The following ASTN1 variants were observed in gnomAD, a reference collection of about 807,000 sequenced individuals.
ASTN1 encodes the protein astrotactin 1.
In ASTN1, 41 loss-of-function variants were observed where a neutral mutation model predicts 140.7. That is an observed-to-expected ratio of 0.29 (90% CI 0.23 to 0.38). The LOEUF (loss-of-function observed/expected upper bound fraction) is 0.38. ASTN1 is among the 10% of genes least tolerant of loss of function. ASTN1 has a pLI of 1.00. For missense variants in ASTN1, 1,479 were observed against 1,678.8 expected (o/e 0.88, Z 2.08); for synonymous variants, 640 against 652.2 (o/e 0.98, Z 0.29).
At chr1:177,074,295 C>G (rs543786438) in intron 1 of ASTN1, among the ~76,000 whole-genome samples, 1 of 152,272 alleles carries the variant, frequency 6.6e-6, no homozygotes, top group East Asian at 1.9e-4. Context: ...GGTTCAGTAT[C>G]ATCTATATCA....
At chr1:177,088,063 A>G (rs1277784937) in intron 1 of ASTN1, among the ~76,000 whole-genome samples, 2 of 152,112 alleles carry the variant, frequency 1.3e-5, no homozygotes, top group African/African-American at 4.8e-5. Flanking sequence ...ATCTTTTTCT[A>G]CCTTCAACTC....
At position 176,958,392 on chromosome 1, in the gene ASTN1, T is replaced by C. The variant is rs754219584; in HGVS notation, c.1689A>G (p.Ala563=). 3 of 1,614,132 alleles carry C rather than the reference T, an allele frequency of 1.9e-6. No homozygotes were observed. The highest frequency in any genetic ancestry group is 4.5e-5 in the East Asian group (2 of 44,868). The change falls in exon 10 of 23, where the codon GCA becomes GCG. Residue 563 remains alanine (A), a synonymous_variant. Transcript: ENST00000361833. Reference sequence around the variant, plus strand: ...TCACAGTCATGTCCGTCTTGCACTTTGCTGATGGATTGATGGCCAGTTCGG... The same window carrying C: ...TCACAGTCATGTCCGTCTTGCACTTCGCTGATGGATTGATGGCCAGTTCGG... ...PPAELAINPS[A]KCKTDMTVME...
At chr1:176,875,864 G>T (rs1668538781) in intron 21 of ASTN1, among the ~76,000 whole-genome samples, 1 of 152,164 alleles carries the variant, frequency 6.6e-6, no homozygotes, top group East Asian at 1.9e-4. Flanking sequence ...TAAAATTCTG[G>T]TTATAAATAG....
At chr1:177,040,985 G>T (rs2101993195) in intron 2 of ASTN1, among the ~76,000 whole-genome samples, 1 of 152,272 alleles carries the variant, frequency 6.6e-6, no homozygotes, top group East Asian at 1.9e-4. Context: ...TCATCCCAAA[G>T]AAAAGCAAAG....
intron 7 of ASTN1, among the ~76,000 whole-genome samples, chr1:177,018,431 G>T (rs1012277701): frequency 6.6e-6 from 1 of 152,210 alleles, no homozygotes; most frequent in Non-Finnish European, 1.5e-5. Flanking sequence ...AAAGAAGAGG[G>T]CAGCTGGTTT....
intron 8 of ASTN1, among the ~76,000 whole-genome samples, chr1:176,966,476 AT>A (rs1445742020): frequency 6.6e-6 from 1 of 152,214 alleles, no homozygotes; most frequent in African/African-American, 2.4e-5. Flanking sequence ...CAAGACATTT[AT>A]TTAAGTTTTG....
intron 1 of ASTN1, among the ~76,000 whole-genome samples, chr1:177,089,587 T>G (rs1238413156): frequency 6.6e-6 from 1 of 152,092 alleles, no homozygotes; most frequent in Non-Finnish European, 1.5e-5. Context: ...ACTCATGCCA[T>G]CCTTTCTCTC....
chr1:177,063,981 C>G (rs895265438), intron 1 of ASTN1, among the ~76,000 whole-genome samples: 2 of 152,184 alleles, frequency 1.3e-5, no homozygotes, highest in Non-Finnish European at 2.9e-5. Flanking sequence ...CACCTCATGC[C>G]TCTAAAGCAC....
chr1:177,087,252 C>T (rs1679519532), intron 1 of ASTN1, among the ~76,000 whole-genome samples: 3 of 152,156 alleles, frequency 2.0e-5, no homozygotes, highest in Non-Finnish European at 4.4e-5. Flanking sequence ...CACCAAGAAG[C>T]ACCGTGACTT....
At chr1:176,955,998 C>T (rs889823362) in intron 11 of ASTN1, among the ~76,000 whole-genome samples, 3 of 152,190 alleles carry the variant, frequency 2.0e-5, no homozygotes, top group Non-Finnish European at 4.4e-5. Flanking sequence ...AGTGTCTCAG[C>T]TGGGAGCTCC....
chr1:176,935,801 C>T (rs1326985008), intron 15 of ASTN1, among the ~76,000 whole-genome samples: 4 of 152,090 alleles, frequency 2.6e-5, no homozygotes, highest in Non-Finnish European at 5.9e-5. Flanking sequence ...ATCTCTCAGT[C>T]TCTTTATTTC....
Position 177,136,136 on chromosome 1 carries a change from A to C in ASTN1, c.283+28258T>G, listed in dbSNP as rs1305960306. On this transcript the variant is annotated intron_variant, in intron 1 of 22. Transcript: ENST00000361833. ...ACTGAATAATTTGCTCTTTGTTTTC[A>C]CTCACAGTAGGCACCCCTATGCCTC... Among the ~76,000 whole-genome samples, 5 of 152,254 alleles carry C rather than the reference A, an allele frequency of 3.3e-5. No individual in the cohort carries two copies. In the East Asian group the frequency reaches 9.7e-4, roughly 29 times the overall value.
intron 14 of ASTN1, among the ~76,000 whole-genome samples, chr1:176,939,858 G>A (rs1420902965): frequency 2.0e-4 from 26 of 131,904 alleles, no homozygotes; most frequent in African/African-American, 7.3e-4. Context: ...AAGAAGGAAG[G>A]AAGGGAGGGA....
chr1:176,991,436 C>CAAAAAAAAA (rs1173420812), intron 8 of ASTN1, among the ~76,000 whole-genome samples: 1 of 13,834 alleles, frequency 7.2e-5, no homozygotes, highest in Non-Finnish European at 1.5e-4. Context: ...AAAAAAAAAC[C>CAAAAAAAAA]AAAAAAAAAA....
At chr1:177,079,978 T>C (rs1679099200) in intron 1 of ASTN1, among the ~76,000 whole-genome samples, 1 of 152,156 alleles carries the variant, frequency 6.6e-6, no homozygotes, top group Non-Finnish European at 1.5e-5. Flanking sequence ...CTCTGTCCAG[T>C]ATATTTAATT....
At chr1:176,973,758 T>G (rs888050395) in intron 8 of ASTN1, among the ~76,000 whole-genome samples, 3 of 152,212 alleles carry the variant, frequency 2.0e-5, no homozygotes, top group African/African-American at 7.2e-5. Context: ...CCTGCCTGCC[T>G]GTCCATGCCT....
chr1:177,000,197 G>A (rs1383972378), intron 8 of ASTN1, among the ~76,000 whole-genome samples: 1 of 152,122 alleles, frequency 6.6e-6, no homozygotes, highest in African/African-American at 2.4e-5. Flanking sequence ...AGTTCCTGCA[G>A]GAAAGATCTT....
chr1:176,925,220 C>T (rs1241693611), intron 16 of ASTN1, among the ~76,000 whole-genome samples: 1 of 152,148 alleles, frequency 6.6e-6, no homozygotes, highest in Admixed American at 6.6e-5. Context: ...GTGGAGTTGA[C>T]ATCAGGACAT....
chr1:176,909,458 T>C (rs577058848), intron 16 of ASTN1, among the ~76,000 whole-genome samples: 4 of 152,306 alleles, frequency 2.6e-5, no homozygotes, highest in African/African-American at 9.6e-5. Context: ...AGTTGGGTGA[T>C]CCTTTAATTT....
Sources: gnomAD v4.1 joint callset for allele counts (sites outside exome capture counted in the v4.1 genomes callset) on GRCh38, gnomAD v4.1.1 for gene constraint, MANE v1.5 for transcripts, NCBI Gene and HGNC (gene_info 2026-07-23, HGNC 2026-07-21) for gene names.